PCDH9: variants seen among roughly 807,000 people sequenced by gnomAD.
PCDH9 encodes protocadherin 9, also known as protocadherin-9.
PCDH9 carries 24 observed loss-of-function variants against 70.6 expected under a neutral mutation model. The ratio of observed to expected loss-of-function variants is 0.34; its 90% confidence interval spans 0.25 to 0.48. The LOEUF (loss-of-function observed/expected upper bound fraction) is 0.48. Ranked by LOEUF, PCDH9 falls within the 20% of genes least tolerant of loss-of-function variation. The probability of loss-of-function intolerance (pLI) is 0.99; values close to 1 mark genes in which losing one functional copy is unlikely to be tolerated. For synonymous variants in PCDH9, 562 were observed against 558.5 expected, an observed-to-expected ratio of 1.01 and a Z score of -0.09; for missense variants, 1,281 against 1,503.6, an observed-to-expected ratio of 0.85 and a Z score of 2.45.
chr13:67,183,881 G>A (rs1264550059), intron 2 of PCDH9, among the ~76,000 whole-genome samples: 1 of 152,098 alleles, frequency 6.6e-6, no homozygotes, highest in Non-Finnish European at 1.5e-5. Context: ...AAAATATTAT[G>A]TCCCTTTGGT....
intron 3 of PCDH9, among the ~76,000 whole-genome samples, chr13:66,799,183 C>T (rs1392147565): frequency 6.6e-6 from 1 of 152,112 alleles, no homozygotes; most frequent in Non-Finnish European, 1.5e-5. Context: ...ACTTTAAACT[C>T]CCTTGTTCTC....
chr13:66,489,665 C>T (rs1457682298), intron 4 of PCDH9, among the ~76,000 whole-genome samples: 1 of 152,126 alleles, frequency 6.6e-6, no homozygotes, highest in African/African-American at 2.4e-5. Flanking sequence ...TATAAATCTA[C>T]CTTCTCCACT....
intron 2 of PCDH9, among the ~76,000 whole-genome samples, chr13:67,181,613 G>T (rs2985923): frequency 0.6 from 91,763 of 151,982 alleles, 27,931 homozygotes; most frequent in Middle Eastern, 0.74. Flanking sequence ...ATCCTAAACA[G>T]GGAAAGAATT....
At chr13:67,076,999 G>C (rs551328979) in intron 2 of PCDH9, among the ~76,000 whole-genome samples, 2 of 152,078 alleles carry the variant, frequency 1.3e-5, no homozygotes, top group African/African-American at 4.8e-5. Context: ...AACATCTTCT[G>C]CCTAGTATTG....
chr13:66,373,474 A>G (rs1956694626), intron 4 of PCDH9, among the ~76,000 whole-genome samples: 1 of 152,026 alleles, frequency 6.6e-6, no homozygotes, highest in South Asian at 2.1e-4. Flanking sequence ...TAAAATTGTT[A>G]AGGTGGTAAA....
intron 4 of PCDH9, among the ~76,000 whole-genome samples, chr13:66,470,873 A>G (rs1958605637): frequency 1.3e-5 from 2 of 151,492 alleles, no homozygotes; most frequent in Admixed American, 6.6e-5. Context: ...CAGTTCTGAA[A>G]TAGGGGCATA....
intron 3 of PCDH9, among the ~76,000 whole-genome samples, chr13:66,710,680 G>A (rs952137290): frequency 1.5e-4 from 23 of 152,070 alleles, no homozygotes; most frequent in African/African-American, 5.3e-4. Context: ...TTGGACACAG[G>A]TCTTACTGGG....
intron 2 of PCDH9, among the ~76,000 whole-genome samples, chr13:67,158,143 T>C (rs9541022): frequency 0.17 from 26,614 of 152,172 alleles, 2,638 homozygotes; most frequent in Non-Finnish European, 0.21. Flanking sequence ...CACTAGACTG[T>C]CTAATATTCC....
chr13:66,569,393 C>G (rs1028321515), intron 4 of PCDH9, among the ~76,000 whole-genome samples: 1 of 152,064 alleles, frequency 6.6e-6, no homozygotes, highest in African/African-American at 2.4e-5. Flanking sequence ...AATGCCACTA[C>G]TCAAAATTAA....
intron 2 of PCDH9, among the ~76,000 whole-genome samples, chr13:66,926,842 A>G (rs979448494): frequency 6.6e-6 from 1 of 150,904 alleles, no homozygotes; most frequent in Non-Finnish European, 1.5e-5. Context: ...TTTAGGGGTG[A>G]TAGATACACA....
intron 3 of PCDH9, among the ~76,000 whole-genome samples, chr13:66,780,179 T>C (rs1288691327): frequency 1.3e-5 from 2 of 152,150 alleles, no homozygotes; most frequent in East Asian, 3.8e-4. Context: ...ACCTCTTTAC[T>C]GTCTTTATGC....
chr13:66,329,004 T>G (rs1955895369), intron 4 of PCDH9, among the ~76,000 whole-genome samples: 2 of 152,218 alleles, frequency 1.3e-5, no homozygotes, highest in South Asian at 4.1e-4. Flanking sequence ...CACTTACCTT[T>G]TCTTTTCTTA....
At chr13:66,411,166 C>T (rs981450062) in intron 4 of PCDH9, among the ~76,000 whole-genome samples, 3 of 152,214 alleles carry the variant, frequency 2.0e-5, no homozygotes, top group Non-Finnish European at 4.4e-5. Flanking sequence ...TAATGGCTGG[C>T]ATCCCATATT....
At chr13:66,455,332 T>A (rs920322541) in intron 4 of PCDH9, among the ~76,000 whole-genome samples, 1 of 151,746 alleles carries the variant, frequency 6.6e-6, no homozygotes, top group Non-Finnish European at 1.5e-5. Flanking sequence ...GAACACATTC[T>A]TCTTCTCCTT....
intron 2 of PCDH9, chr13:67,214,936 A>ATATATG (rs2089558574): frequency 8.8e-5 from 1 of 11,312 alleles, no homozygotes; most frequent in African/African-American, 3.2e-4. Flanking sequence ...TGCGAGCCAG[A>ATATATG]TATATATATA....
At chr13:67,144,133 C>A (rs1014214010) in intron 2 of PCDH9, among the ~76,000 whole-genome samples, 1 of 152,152 alleles carries the variant, frequency 6.6e-6, no homozygotes, top group South Asian at 2.1e-4. Flanking sequence ...ATAGGACTAT[C>A]TTTAGAACTC....
At chr13:66,588,252 T>A (rs1441793105) in intron 4 of PCDH9, among the ~76,000 whole-genome samples, 3 of 151,906 alleles carry the variant, frequency 2.0e-5, no homozygotes, top group Non-Finnish European at 4.4e-5. Context: ...GTGCTAGAGC[T>A]CCAGATTTAC....
At chr13:67,035,523 A>C (rs900048561) in intron 2 of PCDH9, among the ~76,000 whole-genome samples, 1 of 151,080 alleles carries the variant, frequency 6.6e-6, no homozygotes, top group African/African-American at 2.4e-5. Flanking sequence ...TTAGACTTCT[A>C]TGAAAACAAA....
intron 3 of PCDH9, among the ~76,000 whole-genome samples, chr13:66,851,939 T>C (rs144628567): frequency 1.0e-3 from 154 of 152,206 alleles, no homozygotes; most frequent in African/African-American, 3.7e-3. Flanking sequence ...ACCTTGCATA[T>C]GCAGCTGTCT....
Sources: allele counts gnomAD v4.1 joint callset (sites outside exome capture counted in the v4.1 genomes callset), GRCh38; gene constraint gnomAD v4.1.1; transcripts MANE v1.5; gene names NCBI Gene and HGNC (gene_info 2026-07-23, HGNC 2026-07-21).